NEK11: variants seen among roughly 807,000 people sequenced by gnomAD.
The protein encoded by NEK11 is NIMA related kinase 11, also known as serine/threonine-protein kinase Nek11.
In NEK11, 72 loss-of-function variants were observed where a neutral mutation model predicts 80.7. That is an observed-to-expected ratio of 0.89 (90% CI 0.74 to 1.08). The LOEUF is 1.08. Ranked by LOEUF, NEK11 falls within the 50% of genes least tolerant of loss-of-function variation. The pLI is 0.00. For synonymous variants in NEK11, 251 were observed against 260.7 expected (o/e 0.96, Z 0.36); for missense variants, 764 against 763.6 (o/e 1.00, Z -0.01).
At chr3:131,239,003 A>G (rs1006910708) in intron 15 of NEK11, among the ~76,000 whole-genome samples, 6 of 152,240 alleles carry the variant, frequency 3.9e-5, no homozygotes, top group South Asian at 4.1e-4. Flanking sequence ...ATGTAGATAG[A>G]TGAGCTCTAT....
At chr3:131,080,261 C>T (rs933455565) in intron 3 of NEK11, among the ~76,000 whole-genome samples, 162 bp from the exon 4 acceptor site, 1 of 152,098 alleles carries the variant, frequency 6.6e-6, no homozygotes. Flanking sequence ...GACAGGAAAA[C>T]AGGCCCAGGT....
intron 3 of NEK11, among the ~76,000 whole-genome samples, chr3:131,050,969 G>T (rs2068295283): frequency 6.6e-6 from 1 of 152,178 alleles, no homozygotes; most frequent in African/African-American, 2.4e-5. Flanking sequence ...GGTGGTCAAG[G>T]CTGCAGTGAA....
At chr3:131,306,325 A>T (rs1303491650) in intron 17 of NEK11, among the ~76,000 whole-genome samples, 2 of 152,068 alleles carry the variant, frequency 1.3e-5, no homozygotes, top group Non-Finnish European at 2.9e-5. Context: ...CTCTGCTGTA[A>T]ATGGGCCTTT....
In NEK11 at chr3:131,324,291, AG is replaced by A. The variant is rs558888039; in HGVS notation, c.1719-25264del. ...AAGAGGCCTCAGAGGAACATGATTA[AG>A]GTTTGGTCAAGGAAAGAGTCCTTGT... On this transcript the variant is annotated intron_variant, in intron 17 of 17. Coordinates refer to ENST00000383366, the MANE Select transcript of NEK11 (RefSeq NM_024800.5). 3.4e-3 allele frequency among the ~76,000 whole-genome samples: 522 copies of A among 152,344 alleles called. 3 individuals carry two copies. The highest frequency in any genetic ancestry group is 5.5e-3 in the Non-Finnish European group (371 of 68,040).
chr3:131,105,500 G>A (rs963576341), intron 4 of NEK11, among the ~76,000 whole-genome samples: 5 of 152,194 alleles, frequency 3.3e-5, no homozygotes, highest in African/African-American at 1.2e-4. Flanking sequence ...ATTTATAAAG[G>A]AAAGAGGTTT....
intron 17 of NEK11, among the ~76,000 whole-genome samples, chr3:131,286,316 A>G (rs887185277): frequency 3.9e-5 from 6 of 152,174 alleles, no homozygotes; most frequent in African/African-American, 1.2e-4. Context: ...ATTTATGTTC[A>G]TAGTGCCAAG....
chr3:131,208,147 G>T (rs1354573186), intron 14 of NEK11, among the ~76,000 whole-genome samples: 1 of 152,176 alleles, frequency 6.6e-6, no homozygotes, highest in African/African-American at 2.4e-5. Context: ...TTTGTACAAG[G>T]TGTAAGGAAG....
chr3:131,228,762 A>G, intron 15 of NEK11, 74 bp downstream of exon 15: 1 of 1,451,174 alleles, frequency 6.9e-7, no homozygotes, highest in South Asian at 1.5e-5. Flanking sequence ...GAAGAAAGGA[A>G]GTCTTATAAG....
At chr3:131,223,801 T>C (rs1290425919) in intron 14 of NEK11, among the ~76,000 whole-genome samples, 1 of 152,090 alleles carries the variant, frequency 6.6e-6, no homozygotes, top group East Asian at 1.9e-4. Flanking sequence ...AGGTGAACAG[T>C]GTGGTGAAAT....
At chr3:131,177,961 C>T (rs973642294) in intron 14 of NEK11, among the ~76,000 whole-genome samples, 2 of 152,146 alleles carry the variant, frequency 1.3e-5, no homozygotes, top group Admixed American at 6.5e-5. Context: ...TAGCCTAATG[C>T]GCATCTAGGC....
In NEK11 at chr3:131,152,714, T is replaced by C; in HGVS notation, c.876+5T>C. ...TACCTTGATGAGCAGCTACAGGTATTTAAAATGAAAGGGATTCTGGGAAAC... is the reference window on the plus strand; with the variant it reads ...TACCTTGATGAGCAGCTACAGGTATCTAAAATGAAAGGGATTCTGGGAAAC... On this transcript the variant is annotated splice_donor_5th_base_variant and intron_variant, in intron 9 of 17. Coordinates refer to ENST00000383366, the MANE Select transcript of NEK11 (RefSeq NM_024800.5). The C allele has an allele frequency of 3.1e-6, 5 of 1,598,006 alleles. No individual in the cohort carries two copies. Among genetic ancestry groups the C allele is most frequent in the Non-Finnish European group, 4.3e-6 (5 of 1,166,820 alleles).
In NEK11 at chr3:131,162,429, G is replaced by A; in HGVS notation, c.984G>A (p.Gln328=). The A allele has an allele frequency of 6.2e-7, 1 of 1,614,036 alleles. No individual in the cohort carries two copies. Among genetic ancestry groups the A allele is most frequent in the Non-Finnish European group, 8.5e-7 (1 of 1,179,940 alleles). ...INAMQKRIHL[Q]TLRALSEVQK... The stretch of plus-strand genomic sequence containing the variant: ...ATAGGCAAAAAAGGATCCACCTGCA[G>A]ACTCTGAGGGCACTGTCAGAAGTAC... Residue 328 remains glutamine, a synonymous_variant, in exon 11 of 18, where the codon CAG becomes CAA. Coordinates refer to ENST00000383366, the MANE Select transcript of NEK11 (RefSeq NM_024800.5).
At chr3:131,115,562 T>A (rs2080871602) in intron 5 of NEK11, among the ~76,000 whole-genome samples, 1 of 152,232 alleles carries the variant, frequency 6.6e-6, no homozygotes, top group Admixed American at 6.5e-5. Context: ...CTATAACATA[T>A]GGCATAAACA....
intron 14 of NEK11, among the ~76,000 whole-genome samples, chr3:131,171,233 T>C (rs1447480971): frequency 6.6e-6 from 1 of 152,170 alleles, no homozygotes; most frequent in Non-Finnish European, 1.5e-5. Context: ...AAATGGTTCT[T>C]CCAGTTGTCA....
intron 17 of NEK11, among the ~76,000 whole-genome samples, chr3:131,334,571 A>T (rs7374310): frequency 8.2e-5 from 12 of 145,784 alleles, no homozygotes; most frequent in East Asian, 4.0e-4. Flanking sequence ...GAAAAGCAAG[A>T]GCAAACACAT....
At chr3:131,176,073 G>A (rs2092994627) in intron 14 of NEK11, among the ~76,000 whole-genome samples, 1 of 152,176 alleles carries the variant, frequency 6.6e-6, no homozygotes, top group Non-Finnish European at 1.5e-5. Context: ...AAGGGACAGG[G>A]ATCTTTTAGC....
intron 4 of NEK11, among the ~76,000 whole-genome samples, chr3:131,086,602 A>G (rs2076008737): frequency 1.3e-5 from 2 of 152,048 alleles, no homozygotes; most frequent in Admixed American, 6.6e-5. Context: ...TCCTTTTTTG[A>G]GGAGAAGTAA....
chr3:131,342,632 T>A (rs1450105487), intron 17 of NEK11, among the ~76,000 whole-genome samples: 1 of 152,194 alleles, frequency 6.6e-6, no homozygotes, highest in African/African-American at 2.4e-5. Flanking sequence ...CAAAATTGTT[T>A]GAGGCTTCCA....
chr3:131,270,193 G>T (rs969844723), intron 16 of NEK11, among the ~76,000 whole-genome samples: 8 of 152,170 alleles, frequency 5.3e-5, no homozygotes, highest in Non-Finnish European at 1.2e-4. Context: ...CAGGTCCACA[G>T]ACAAATACAG....
Sources: gnomAD v4.1 joint callset for allele counts (sites outside exome capture counted in the v4.1 genomes callset) on GRCh38, gnomAD v4.1.1 for gene constraint, MANE v1.5 for transcripts, NCBI Gene and HGNC (gene_info 2026-07-23, HGNC 2026-07-21) for gene names.